SLX4IP: variants seen among roughly 807,000 people sequenced by gnomAD.
SLX4IP encodes the protein SLX4 interacting protein.
SLX4IP carries 34 observed loss-of-function variants against 32.9 expected under a neutral mutation model. The ratio of observed to expected loss-of-function variants is 1.03; its 90% CI spans 0.79 to 1.38. SLX4IP has a LOEUF of 1.38. Ranked by LOEUF, SLX4IP falls within the 40% of genes most tolerant of loss-of-function variation. The probability of loss-of-function intolerance (pLI) is 0.00; values close to 1 mark genes in which losing one functional copy is unlikely to be tolerated. For missense variants in SLX4IP, 444 were observed against 479.0 expected, an observed-to-expected ratio of 0.93 and a Z score of 0.68; for synonymous variants, 172 against 171.7, an observed-to-expected ratio of 1.00 and a Z score of -0.01.
chr20:10,573,135 G>T (rs371551958), intron 4 of SLX4IP, among the ~76,000 whole-genome samples: 2 of 152,158 alleles, frequency 1.3e-5, no homozygotes, highest in African/African-American at 2.4e-5. Context: ...GCATCCCCGC[G>T]AGTGCAAATT....
At chr20:10,573,105 A>C (rs2066485077) in intron 4 of SLX4IP, among the ~76,000 whole-genome samples, 1 of 152,232 alleles carries the variant, frequency 6.6e-6, no homozygotes, top group Non-Finnish European at 1.5e-5. Context: ...ACACAGGCTC[A>C]TTGTGAGCCA....
intron 2 of SLX4IP, among the ~76,000 whole-genome samples, chr20:10,518,816 C>G (rs1383657178): frequency 6.6e-6 from 1 of 152,026 alleles, no homozygotes; most frequent in Non-Finnish European, 1.5e-5. Flanking sequence ...GTGATACACC[C>G]ACTTTGGCCT....
At chr20:10,475,284 G>A (rs1056344116) in intron 2 of SLX4IP, among the ~76,000 whole-genome samples, 2 of 152,198 alleles carry the variant, frequency 1.3e-5, no homozygotes, top group African/African-American at 4.8e-5. Context: ...GAGAATCCCT[G>A]GGGAGTGGAA....
intron 2 of SLX4IP, among the ~76,000 whole-genome samples, chr20:10,531,538 A>G (rs894529833): frequency 6.6e-6 from 1 of 152,202 alleles, no homozygotes; most frequent in Non-Finnish European, 1.5e-5. Context: ...AATGGTTCTC[A>G]GCTGTGGGGA....
intron 4 of SLX4IP, among the ~76,000 whole-genome samples, chr20:10,567,214 C>G (rs746546469): frequency 2.0e-5 from 3 of 152,060 alleles, no homozygotes; most frequent in Non-Finnish European, 2.9e-5. Flanking sequence ...GTCACCTTGT[C>G]TTACTCATTA....
intron 2 of SLX4IP, among the ~76,000 whole-genome samples, chr20:10,486,370 T>C (rs926371964): frequency 1.3e-5 from 2 of 152,036 alleles, no homozygotes. Context: ...ATTAGAACGG[T>C]AGTGATGAAA....
chr20:10,499,731 AT>A (rs2065699908), intron 2 of SLX4IP, among the ~76,000 whole-genome samples: 1 of 152,202 alleles, frequency 6.6e-6, no homozygotes, highest in South Asian at 2.1e-4. Context: ...TATCCATTTG[AT>A]TGGAGATAAA....
intron 2 of SLX4IP, among the ~76,000 whole-genome samples, chr20:10,538,109 A>C (rs933455576): frequency 6.6e-6 from 1 of 152,094 alleles, no homozygotes; most frequent in East Asian, 1.9e-4. Context: ...GACTAAGAGG[A>C]CCCTTTCTTT....
At position 10,625,568 on chromosome 20, in the gene SLX4IP, G is replaced by A. The variant is rs1174636474; in HGVS notation, c.*2189G>A. 2.0e-5 allele frequency: 3 copies of A among 152,138 alleles called. No homozygotes were observed. Among genetic ancestry groups the A allele is most frequent in the African/African-American group, 7.2e-5 (3 of 41,414 alleles). 9.4% of individuals were successfully genotyped at this position (152,138 alleles called of 1,614,324 possible). A position where few individuals can be genotyped will look rare whatever the true frequency, so the allele number is the denominator to read the frequency against. Reference sequence around the variant, plus strand: ...AATTTTTATTTCATTAGCTAACCTGGGCTTGGTGGTTAAGGCTAGTACTTG... The same window carrying A: ...AATTTTTATTTCATTAGCTAACCTGAGCTTGGTGGTTAAGGCTAGTACTTG... On this transcript the variant is annotated 3_prime_UTR_variant, in exon 8 of 8. Coordinates refer to ENST00000334534, the MANE Select transcript of SLX4IP (RefSeq NM_001009608.3).
chr20:10,582,810 T>C (rs572499065), intron 4 of SLX4IP, among the ~76,000 whole-genome samples: 1 of 152,304 alleles, frequency 6.6e-6, no homozygotes, highest in Non-Finnish European at 1.5e-5. Context: ...AAAGATACTT[T>C]TGCCTTCCTT....
At chr20:10,489,265 A>G (rs956830187) in intron 2 of SLX4IP, among the ~76,000 whole-genome samples, 5 of 152,174 alleles carry the variant, frequency 3.3e-5, no homozygotes, top group African/African-American at 1.2e-4. Flanking sequence ...ATGTAGACAA[A>G]TCAAGACATT....
chr20:10,481,124 A>G (rs2065517219), intron 2 of SLX4IP, among the ~76,000 whole-genome samples: 1 of 151,454 alleles, frequency 6.6e-6, no homozygotes, highest in South Asian at 2.1e-4. Context: ...TTGTTTTGGT[A>G]TGTTCATTCT....
rs144711593 is a variant in SLX4IP at position 10,546,812 on chromosome 20, G to A, written c.28-9419G>A. ...GCTGTGTCTATGCCACTGACCAGTC[G>A]ACTGAGGGAAGGTACCTGCAGGTTT... On this transcript the variant is annotated intron_variant, in intron 2 of 7. Coordinates refer to ENST00000334534, the MANE Select transcript of SLX4IP (RefSeq NM_001009608.3). Among the ~76,000 whole-genome samples the A allele has an allele frequency of 1.2e-3, 185 of 152,224 alleles. 3 individuals are homozygous for A. The Middle Eastern group carries it at 0.027, about 22-fold the overall frequency.
chr20:10,511,256 G>A (rs1464421167), intron 2 of SLX4IP, among the ~76,000 whole-genome samples: 7 of 152,318 alleles, frequency 4.6e-5, no homozygotes, highest in Non-Finnish European at 7.4e-5. Flanking sequence ...GATGGTGTGC[G>A]TTCCCAAAGC....
intron 2 of SLX4IP, among the ~76,000 whole-genome samples, chr20:10,478,678 T>C (rs746552033): frequency 1.3e-5 from 2 of 152,166 alleles, no homozygotes; most frequent in Non-Finnish European, 2.9e-5. Flanking sequence ...GAAGGGGCCC[T>C]GGAGCCTCTG....
At chr20:10,474,383 A>C (rs1037753259) in intron 2 of SLX4IP, among the ~76,000 whole-genome samples, 1 of 152,252 alleles carries the variant, frequency 6.6e-6, no homozygotes, top group Non-Finnish European at 1.5e-5. Context: ...TAACACAGCT[A>C]TGCAGATATA....
At chr20:10,516,831 T>C (rs369861097) in intron 2 of SLX4IP, among the ~76,000 whole-genome samples, 4 of 152,384 alleles carry the variant, frequency 2.6e-5, no homozygotes, top group African/African-American at 9.6e-5. Flanking sequence ...TGGGCTGTTA[T>C]AGCTTTGTTC....
At chr20:10,566,236 A>G (rs1181292168) in intron 4 of SLX4IP, among the ~76,000 whole-genome samples, 3 of 107,352 alleles carry the variant, frequency 2.8e-5, no homozygotes, top group Non-Finnish European at 6.9e-5. Context: ...CCATTGTTTT[A>G]GTTAACTTTT....
chr20:10,623,790 C>T lies in SLX4IP; in HGVS notation c.*411C>T, dbSNP rs1030850962. The T allele has an allele frequency of 5.8e-5, 10 of 172,418 alleles. No individual in the cohort carries two copies. The highest frequency in any genetic ancestry group is 4.4e-4 in the Admixed American group (8 of 18,168). The allele number at this position is 172,418 out of a possible 1,614,324, so 10.7% of individuals were successfully genotyped here. A position where few individuals can be genotyped will look rare whatever the true frequency, so the allele number is the denominator to read the frequency against. On this transcript the variant is annotated 3_prime_UTR_variant, in exon 8 of 8. Coordinates refer to ENST00000334534, the MANE Select transcript of SLX4IP (RefSeq NM_001009608.3). ...TTTCAGCTCCAGGGGTACAATCCATCCCCCTGCTCCTCAGCCTGAGTAGGA... is the reference window on the plus strand; with the variant it reads ...TTTCAGCTCCAGGGGTACAATCCATTCCCCTGCTCCTCAGCCTGAGTAGGA...
Sources: gnomAD v4.1 joint callset for allele counts (sites outside exome capture counted in the v4.1 genomes callset) on GRCh38, gnomAD v4.1.1 for gene constraint, MANE v1.5 for transcripts, NCBI Gene and HGNC (gene_info 2026-07-23, HGNC 2026-07-21) for gene names.